The following KCNK12 variants were observed in gnomAD, a reference collection of about 807,000 sequenced individuals.
KCNK12 encodes potassium channel subfamily K member 12.
Under a neutral mutation model 25.3 loss-of-function variants are expected in KCNK12, and 6 were observed. That is an observed-to-expected ratio of 0.24 (90% CI 0.13 to 0.47). KCNK12 has a LOEUF of 0.47. KCNK12 is among the 20% of genes least tolerant of loss of function. The pLI is 0.99. For synonymous variants in KCNK12, 331 were observed against 311.1 expected (o/e 1.06, Z -0.67); for missense variants, 444 against 661.7 (o/e 0.67, Z 3.61).
In KCNK12 at chr2:47,533,698, TGA is replaced by T. The variant is rs1224265791; in HGVS notation, c.392-11892_392-11891del. Among the ~76,000 whole-genome samples the T allele has an allele frequency of 6.6e-6, 1 of 151,986 alleles. No homozygotes were observed. Among genetic ancestry groups the T allele is most frequent in the Non-Finnish European group, 1.5e-5 (1 of 67,978 alleles). On this transcript the variant is annotated intron_variant, in intron 1 of 1. Transcript: ENST00000327876. This position sits in a 1 kb window ranked among gnomAD's most constrained non-coding sequence, Gnocchi z 4.7. Reference sequence around the variant, plus strand: ...GCACCATCTTTTCCAGTCCCCAAAGTGAGAGTGTGTGTGTGTGGGAGAGATAT... The same window carrying T: ...GCACCATCTTTTCCAGTCCCCAAAGTGAGTGTGTGTGTGTGGGAGAGATAT...
chr2:47,510,906 G>C lies in KCNK12; in HGVS notation c.*10001C>G, dbSNP rs1230532671. On this transcript the variant is annotated 3_prime_UTR_variant, in exon 2 of 2. Coordinates refer to ENST00000327876, the MANE Select transcript of KCNK12 (RefSeq NM_022055.2). ...AGCCTAGTGCTTGGCATGGGACTCA[G>C]ATCTGAAGCAGCCTCTCCGGGACTT... The C allele has an allele frequency of 6.6e-6, 1 of 152,202 alleles. No homozygotes were observed. The highest frequency in any genetic ancestry group is 1.9e-4 in the East Asian group (1 of 5,204). The allele number at this position is 152,202 out of a possible 1,614,324, so 9.4% of individuals were successfully genotyped here.
chr2:47,546,718 A>G (rs1011458881), intron 1 of KCNK12, among the ~76,000 whole-genome samples: 1 of 151,960 alleles, frequency 6.6e-6, no homozygotes, highest in Non-Finnish European at 1.5e-5. Flanking sequence ...CAATTTACCT[A>G]CTCTCCCTCT....
At chr2:47,524,610 G>A (rs1222905348) in intron 1 of KCNK12, among the ~76,000 whole-genome samples, 1 of 152,184 alleles carries the variant, frequency 6.6e-6, no homozygotes, top group African/African-American at 2.4e-5. Context: ...TCTAGAGCAT[G>A]GCAGGGGGTA....
rs535283404 is a variant in KCNK12 at position 47,521,872 on chromosome 2, T to TG, written c.392-65dup. 12 of 225,194 alleles carry TG rather than the reference T, an allele frequency of 5.3e-5. No homozygotes were observed. The South Asian group carries it at 7.3e-4, about 14-fold the overall frequency. The allele number at this position is 225,194 out of a possible 1,614,324, so 13.9% of individuals were successfully genotyped here. On this transcript the variant is annotated intron_variant, in intron 1 of 1. Coordinates refer to ENST00000327876, the MANE Select transcript of KCNK12 (RefSeq NM_022055.2). Reference sequence around the variant, plus strand: ...GCAGGTGGTCCTCACTGGGCGAGGGTGGGGGGTGTGGGGGCGGGGGCATGC... The same window carrying TG: ...GCAGGTGGTCCTCACTGGGCGAGGGTGGGGGGGTGTGGGGGCGGGGGCATGC...
At chr2:47,545,703 C>T (rs1246145267) in intron 1 of KCNK12, among the ~76,000 whole-genome samples, 1 of 152,156 alleles carries the variant, frequency 6.6e-6, no homozygotes, top group Admixed American at 6.5e-5. Context: ...GTGAGCTGTG[C>T]TCACCTCCAC....
Position 47,512,555 on chromosome 2 carries a change from G to C in KCNK12, c.*8352C>G. On this transcript the variant is annotated 3_prime_UTR_variant, in exon 2 of 2. Transcript: ENST00000327876. The stretch of plus-strand genomic sequence containing the variant: ...CAAAAATGGACCAGAAAGGGGTCAG[G>C]AATATAACTTTCTCTGCCCAGATTC... 8.9e-7 allele frequency: 1 copy of C among 1,125,762 alleles called. No individual in the cohort carries two copies. The highest frequency in any genetic ancestry group is 1.2e-6 in the Non-Finnish European group (1 of 807,330). 69.7% of individuals were successfully genotyped at this position (1,125,762 alleles called of 1,614,324 possible).
chr2:47,510,945 C>T lies in KCNK12; in HGVS notation c.*9962G>A, dbSNP rs1473330694. ...TCTCCGGGACTTCTCTGAGCCTGCCCCTGGTGGTATGACTGTGATATCCCT... is the reference window on the plus strand; with the variant it reads ...TCTCCGGGACTTCTCTGAGCCTGCCTCTGGTGGTATGACTGTGATATCCCT... On this transcript the variant is annotated 3_prime_UTR_variant, in exon 2 of 2. Coordinates refer to ENST00000327876, the MANE Select transcript of KCNK12 (RefSeq NM_022055.2). 6.6e-6 allele frequency: 1 copy of T among 152,162 alleles called. No homozygotes were observed. Among genetic ancestry groups the T allele is most frequent in the African/African-American group, 2.4e-5 (1 of 41,418 alleles). The allele number at this position is 152,162 out of a possible 1,614,324, so 9.4% of individuals were successfully genotyped here. A position where few individuals can be genotyped will look rare whatever the true frequency, so the allele number is the denominator to read the frequency against.
chr2:47,550,767 A>C (rs1463844303), intron 1 of KCNK12, among the ~76,000 whole-genome samples: 1 of 151,982 alleles, frequency 6.6e-6, no homozygotes, highest in Non-Finnish European at 1.5e-5. Flanking sequence ...AATGAAAAAA[A>C]CCCCACACTT....
intron 1 of KCNK12, among the ~76,000 whole-genome samples, chr2:47,537,576 G>A (rs1377421191): frequency 6.6e-6 from 1 of 152,106 alleles, no homozygotes; most frequent in Non-Finnish European, 1.5e-5. Flanking sequence ...TGATCCGCCC[G>A]CCTCGGTCTC....
Position 47,570,263 on chromosome 2 carries a change from GCA to G in KCNK12, c.67_68del (p.Cys23LeufsTer439). On this transcript the variant is annotated frameshift_variant, in exon 1 of 2. Coordinates refer to ENST00000327876, the MANE Select transcript of KCNK12 (RefSeq NM_022055.2). LOFTEE classifies it high-confidence loss of function. ...SRRRLPRPSC[C>X]CCCCRRSHLN... The stretch of plus-strand genomic sequence containing the variant: ...GGTGCGAACGGCGGCAGCAGCAGCA[GCA>G]GCAGGAGGGGCGCGGCAGGCGGCGG... 2 of 1,427,284 alleles carry G rather than the reference GCA, an allele frequency of 1.4e-6. No homozygotes were observed. The highest frequency in any genetic ancestry group is 1.8e-6 in the Non-Finnish European group (2 of 1,091,618). 88.4% of individuals were successfully genotyped at this position (1,427,284 alleles called of 1,614,324 possible). A position where few individuals can be genotyped will look rare whatever the true frequency, so the allele number is the denominator to read the frequency against.
intron 1 of KCNK12, among the ~76,000 whole-genome samples, chr2:47,523,329 A>G (rs533141094): frequency 6.6e-6 from 1 of 152,298 alleles, no homozygotes; most frequent in East Asian, 1.9e-4. Flanking sequence ...TGGCTCTGCC[A>G]TTGGGTGCCG....
At chr2:47,524,024 T>C (rs1317336209) in intron 1 of KCNK12, among the ~76,000 whole-genome samples, 1 of 152,236 alleles carries the variant, frequency 6.6e-6, no homozygotes, top group Admixed American at 6.5e-5. Flanking sequence ...CTGAAGGAAA[T>C]GCCCAGTTGC....
At chr2:47,532,602 AAC>A (rs1247736118) in intron 1 of KCNK12, among the ~76,000 whole-genome samples, 1 of 152,164 alleles carries the variant, frequency 6.6e-6, no homozygotes, top group African/African-American at 2.4e-5. Context: ...TTCTTTGTTT[AAC>A]GTGCCAAGAA....
rs554896910 is a variant in KCNK12 at position 47,540,912 on chromosome 2, C to T, written c.392-19104G>A. On this transcript the variant is annotated intron_variant, in intron 1 of 1. Transcript: ENST00000327876. The surrounding 1 kb of genome is among the most constrained non-coding windows in gnomAD (Gnocchi z 5.4). ...GGAGTGAGCTGTGATTCTACCACTGCACTCCAGCCTGGGCAACAGAGTGAG... is the reference window on the plus strand; with the variant it reads ...GGAGTGAGCTGTGATTCTACCACTGTACTCCAGCCTGGGCAACAGAGTGAG... 4.5e-4 allele frequency among the ~76,000 whole-genome samples: 69 copies of T among 152,258 alleles called. No homozygotes were observed. In the South Asian group the frequency reaches 0.013, roughly 29 times the overall value.
chr2:47,514,673 T>C lies in KCNK12; in HGVS notation c.*6234A>G, dbSNP rs1445496368. 6.6e-6 allele frequency among the ~76,000 whole-genome samples: 1 copy of C among 151,892 alleles called. No homozygotes were observed. Among genetic ancestry groups the C allele is most frequent in the Non-Finnish European group, 1.5e-5 (1 of 67,934 alleles). ...TCACCAAGGCTGGAGTGCAGTGGCA[T>C]GATCATGGCTCAATGAAACATCGAC... On this transcript the variant is annotated 3_prime_UTR_variant, in exon 2 of 2. Coordinates refer to ENST00000327876, the MANE Select transcript of KCNK12 (RefSeq NM_022055.2). This position sits in a 1 kb window ranked among gnomAD's most constrained non-coding sequence, Gnocchi z 5.0.
chr2:47,537,721 A>G (rs1573640077), intron 1 of KCNK12, among the ~76,000 whole-genome samples: 1 of 152,190 alleles, frequency 6.6e-6, no homozygotes, highest in East Asian at 1.9e-4. Flanking sequence ...TTGAAACCGT[A>G]AGTTCACTCC....
chr2:47,551,838 CAT>C lies in KCNK12; in HGVS notation c.391+18101_391+18102del, dbSNP rs1196868437. ...GGGGACTACATGGAGTTCTGAATGA[CAT>C]GTGTCTCACTACAGTGGCATTACAG... On this transcript the variant is annotated intron_variant, in intron 1 of 1. Coordinates refer to ENST00000327876, the MANE Select transcript of KCNK12 (RefSeq NM_022055.2). This position sits in a 1 kb window ranked among gnomAD's most constrained non-coding sequence, Gnocchi z 5.3. Among the ~76,000 whole-genome samples, 20 of 152,204 alleles carry C rather than the reference CAT, an allele frequency of 1.3e-4. No individual in the cohort carries two copies. The highest frequency in any genetic ancestry group is 1.6e-4 in the Non-Finnish European group (11 of 68,042).
chr2:47,543,107 T>C (rs1669237215), intron 1 of KCNK12, among the ~76,000 whole-genome samples: 1 of 152,110 alleles, frequency 6.6e-6, no homozygotes, highest in African/African-American at 2.4e-5. Flanking sequence ...CGTGTTCTTT[T>C]TTGAGGTGGG....
At chr2:47,544,511 G>A (rs1167041954) in intron 1 of KCNK12, among the ~76,000 whole-genome samples, 1 of 152,356 alleles carries the variant, frequency 6.6e-6, no homozygotes, top group East Asian at 1.9e-4. Context: ...CACATTGGTC[G>A]TGTGTACTTT....
Sources: allele counts gnomAD v4.1 joint callset (sites outside exome capture counted in the v4.1 genomes callset), GRCh38; gene constraint gnomAD v4.1.1; non-coding constraint Gnocchi (gnomAD v3.1); transcripts MANE v1.5; gene names NCBI Gene and HGNC (gene_info 2026-07-23, HGNC 2026-07-21).